RBFOX3: variants seen among roughly 807,000 people sequenced by gnomAD.
RBFOX3 encodes the protein RNA binding fox-1 homolog 3, also known as RNA binding protein fox-1 homolog 3.
Under a neutral mutation model 48.7 loss-of-function variants are expected in RBFOX3, and 17 were observed. The observed-to-expected ratio is 0.35, with a 90% confidence interval of 0.24 to 0.52. The LOEUF (loss-of-function observed/expected upper bound fraction) is 0.52, where lower values mean the gene tolerates loss of function less well. Ranked by LOEUF, RBFOX3 falls within the 20% of genes least tolerant of loss-of-function variation. The pLI is 0.94. For missense variants in RBFOX3, 382 were observed against 497.5 expected (o/e 0.77, Z 2.21); for synonymous variants, 212 against 209.5 (o/e 1.01, Z -0.10).
At chr17:79,191,312 C>A (rs1422825109) in intron 4 of RBFOX3, among the ~76,000 whole-genome samples, 1 of 152,200 alleles carries the variant, frequency 6.6e-6, no homozygotes, top group East Asian at 1.9e-4. Context: ...AAGTTAGGAC[C>A]TTCAAACTCT....
At chr17:79,373,238 A>ACC (rs1336461515) in intron 2 of RBFOX3, among the ~76,000 whole-genome samples, 1 of 151,436 alleles carries the variant, frequency 6.6e-6, no homozygotes, top group East Asian at 1.9e-4. Flanking sequence ...TGTCCTCCCC[A>ACC]CCCCTACGGC....
rs1314729183 is a variant in RBFOX3 at position 79,363,349 on chromosome 17, G to T, written c.-174-55525C>A. Among the ~76,000 whole-genome samples the T allele has an allele frequency of 1.3e-5, 2 of 152,090 alleles. No individual in the cohort carries two copies. Among genetic ancestry groups the T allele is most frequent in the East Asian group, 3.9e-4 (2 of 5,166 alleles). On this transcript the variant is annotated intron_variant, in intron 2 of 14. Transcript: ENST00000693108. This position sits in a 1 kb window ranked among gnomAD's most constrained non-coding sequence, Gnocchi z 4.7. Reference sequence around the variant, plus strand: ...ACTCTCTTGGCAACGCCAGGGAGAGGAACAGGATTCCTGGGATACCCAGGA... The same window carrying T: ...ACTCTCTTGGCAACGCCAGGGAGAGTAACAGGATTCCTGGGATACCCAGGA...
intron 2 of RBFOX3, among the ~76,000 whole-genome samples, chr17:79,432,230 C>T (rs2068593319): frequency 6.6e-6 from 1 of 152,254 alleles, no homozygotes; most frequent in Admixed American, 6.5e-5. Context: ...CACCTCTTGG[C>T]TCTTGTGAAT....
chr17:79,340,293 C>A, intron 2 of RBFOX3, among the ~76,000 whole-genome samples: 1 of 120,346 alleles, frequency 8.3e-6, no homozygotes, highest in Non-Finnish European at 1.9e-5. Flanking sequence ...AGTGAGACTC[C>A]ATCTCAAAAA....
At chr17:79,431,006 C>T (rs2068336407) in intron 2 of RBFOX3, among the ~76,000 whole-genome samples, 1 of 152,208 alleles carries the variant, frequency 6.6e-6, no homozygotes, top group Non-Finnish European at 1.5e-5. Context: ...ATTGGAAATT[C>T]ATTGATCTCT....
At chr17:79,623,946 G>A in the RBFOX3 span, among the ~76,000 whole-genome samples, 1 of 152,094 alleles carries the variant, frequency 6.6e-6, no homozygotes, top group Admixed American at 6.5e-5. Flanking sequence ...CCATCTTGAA[G>A]AAGGAAGAGG....
chr17:79,319,813 G>GTCCTGTCTGGGCTGTTGT (rs1461290666), intron 2 of RBFOX3, among the ~76,000 whole-genome samples: 1 of 60,878 alleles, frequency 1.6e-5, no homozygotes, highest in Non-Finnish European at 3.5e-5. Flanking sequence ...TGGGCTGTTG[G>GTCCTGTCTGGGCTGTTGT]TCTTGTCCAG....
In RBFOX3 at chr17:79,477,150, T is replaced by C. The variant is rs1204452052; in HGVS notation, c.-175+5304A>G. Among the ~76,000 whole-genome samples, 1 of 148,670 alleles carries C rather than the reference T, an allele frequency of 6.7e-6. No homozygotes were observed. Among genetic ancestry groups the C allele is most frequent in the East Asian group, 2.0e-4 (1 of 5,004 alleles). ...CGGGAAGCTGAGGCAGGAGAATCTC[T>C]TAAACCCAGGAGGTAGAGGTTGCAG... On this transcript the variant is annotated intron_variant, in intron 2 of 14. Coordinates refer to ENST00000693108, the MANE Select transcript of RBFOX3 (RefSeq NM_001350451.2). This position sits in a 1 kb window ranked among gnomAD's most constrained non-coding sequence, Gnocchi z 4.8.
chr17:79,599,084 C>T (rs2093640492), intron 1 of RBFOX3: 1 of 152,278 alleles, frequency 6.6e-6, no homozygotes, highest in Non-Finnish European at 1.5e-5. Flanking sequence ...CAGTGCCCAG[C>T]TACTCTGCAA....
chr17:79,593,957 CCATCAGTCAAA>C (rs2093496276), intron 1 of RBFOX3, among the ~76,000 whole-genome samples: 1 of 152,150 alleles, frequency 6.6e-6, no homozygotes. Context: ...CCTGGGGAAT[CCATCAGTCAAA>C]CTCGCTCTCC....
At chr17:79,474,224 C>T (rs1235013404) in intron 2 of RBFOX3, among the ~76,000 whole-genome samples, 4 of 152,120 alleles carry the variant, frequency 2.6e-5, no homozygotes, top group Admixed American at 6.5e-5. Flanking sequence ...TCTTGGATGC[C>T]GTTGACTCAC....
intron 1 of RBFOX3, among the ~76,000 whole-genome samples, chr17:79,509,326 CAAG>C (rs1296362192): frequency 6.6e-6 from 1 of 152,100 alleles, no homozygotes; most frequent in Non-Finnish European, 1.5e-5. Flanking sequence ...CACAAACGGA[CAAG>C]AAGAGAAGGG....
chr17:79,271,373 G>A (rs1365172325), intron 3 of RBFOX3, among the ~76,000 whole-genome samples: 3 of 152,220 alleles, frequency 2.0e-5, no homozygotes, highest in Non-Finnish European at 4.4e-5. Context: ...ACCGTGCCCG[G>A]CCTAAAAATT....
intron 1 of RBFOX3, among the ~76,000 whole-genome samples, chr17:79,536,809 G>A (rs374788776): frequency 2.0e-5 from 3 of 152,326 alleles, no homozygotes; most frequent in African/African-American, 7.2e-5. Context: ...ACATTTGGCC[G>A]GGTGCGGAGG....
chr17:79,344,760 TGGCCA>T (rs886460921), intron 2 of RBFOX3, among the ~76,000 whole-genome samples: 2 of 152,054 alleles, frequency 1.3e-5, no homozygotes, highest in Non-Finnish European at 2.9e-5. Flanking sequence ...TTCACCATGT[TGGCCA>T]GGCTGGTCTC....
chr17:79,397,126 G>A (rs755604662), intron 2 of RBFOX3, among the ~76,000 whole-genome samples: 1 of 152,172 alleles, frequency 6.6e-6, no homozygotes, highest in Non-Finnish European at 1.5e-5. Context: ...CCACAGCCCC[G>A]CGGACAGGCA....
intron 2 of RBFOX3, among the ~76,000 whole-genome samples, chr17:79,350,254 C>T (rs2083656064): frequency 6.6e-6 from 1 of 152,194 alleles, no homozygotes; most frequent in East Asian, 1.9e-4. Flanking sequence ...CCCGCCTCTC[C>T]AGTCCTAGGG....
At chr17:79,109,660 A>T (rs1004251746) in intron 5 of RBFOX3, among the ~76,000 whole-genome samples, 2 of 152,202 alleles carry the variant, frequency 1.3e-5, no homozygotes, top group Non-Finnish European at 1.5e-5. Context: ...CTCGGTGGAC[A>T]GGGATGTGCC....
intron 2 of RBFOX3, among the ~76,000 whole-genome samples, chr17:79,457,139 G>T (rs1555745469): frequency 6.6e-6 from 1 of 152,248 alleles, no homozygotes; most frequent in East Asian, 1.9e-4. Context: ...GGGCATGGCT[G>T]CCCTACTTCC....
Sources: gnomAD v4.1 joint callset for allele counts (sites outside exome capture counted in the v4.1 genomes callset) on GRCh38, gnomAD v4.1.1 for gene constraint, Gnocchi (gnomAD v3.1) non-coding constraint, MANE v1.5 for transcripts, NCBI Gene and HGNC (gene_info 2026-07-23, HGNC 2026-07-21) for gene names.